Variants in RNASET2 observed in about 807,000 individuals in gnomAD.
RNASET2 encodes ribonuclease 6.
A neutral mutation model predicts 33.9 loss-of-function variants in RNASET2; 28 were observed. That is an observed-to-expected ratio of 0.83 (90% CI 0.61 to 1.13). The LOEUF (loss-of-function observed/expected upper bound fraction) is 1.13, where lower values mean the gene tolerates loss of function less well. Among genes scored for constraint, RNASET2 ranks in the 50% most tolerant of loss-of-function variants. RNASET2 has a pLI of 0.00. For missense variants in RNASET2, 330 were observed against 319.9 expected (o/e 1.03, Z -0.24); for synonymous variants, 123 against 121.0 (o/e 1.02, Z -0.11).
rs201397139 is a variant in RNASET2, at chr6:166,955,189, G to GCA, written c.86+906_86+907dup. On this transcript the variant is annotated intron_variant, in intron 1 of 8. Transcript: ENST00000508775. Reference sequence around the variant, plus strand: ...TTGGGCGGCTGCCACACACACACACGCACACACGCACGCACACACGCACGC... The same window carrying GCA: ...TTGGGCGGCTGCCACACACACACACGCACACACACGCACGCACACACGCACGC... Among the ~76,000 whole-genome samples, 23 of 56,640 alleles carry GCA rather than the reference G, an allele frequency of 4.1e-4. No homozygotes were observed. The East Asian group carries it at 7.7e-3, about 19-fold the overall frequency. 37.2% of individuals were successfully genotyped at this position (56,640 alleles called of 152,430 possible). A position where few individuals can be genotyped will look rare whatever the true frequency, so the allele number is the denominator to read the frequency against.
In RNASET2 at chr6:166,941,628, T is replaced by A. The variant is rs535526731; in HGVS notation, c.332+1391A>T. Reference sequence around the variant, plus strand: ...AGGGTCCATGAATCCTAAGGCCACTTCACTGCCACACCGATGAACCAGAAA... The same window carrying A: ...AGGGTCCATGAATCCTAAGGCCACTACACTGCCACACCGATGAACCAGAAA... On this transcript the variant is annotated intron_variant, in intron 5 of 8. Coordinates refer to ENST00000508775, the MANE Select transcript of RNASET2 (RefSeq NM_003730.6). Among the ~76,000 whole-genome samples, 10 of 152,342 alleles carry A rather than the reference T, an allele frequency of 6.6e-5. No homozygotes were observed. The East Asian group carries it at 1.9e-3, about 29-fold the overall frequency.
intron 2 of RNASET2, among the ~76,000 whole-genome samples, chr6:166,949,611 G>A (rs1203437869): frequency 1.3e-5 from 2 of 151,452 alleles, no homozygotes; most frequent in African/African-American, 4.9e-5. Context: ...TGAGGAAGTA[G>A]AACAGAAAGT....
chr6:166,941,299 A>G (rs1778685523), intron 5 of RNASET2, among the ~76,000 whole-genome samples: 1 of 152,222 alleles, frequency 6.6e-6, no homozygotes, highest in South Asian at 2.1e-4. Context: ...GACCCAGCTC[A>G]CTGAAGGCCT....
chr6:166,928,180 C>T lies in RNASET2; in HGVS notation c.*1408G>A, dbSNP rs1456029925. Among the ~76,000 whole-genome samples, 1 of 152,246 alleles carries T rather than the reference C, an allele frequency of 6.6e-6. No homozygotes were observed. Among genetic ancestry groups the T allele is most frequent in the Non-Finnish European group, 1.5e-5 (1 of 68,040 alleles). On this transcript the variant is annotated 3_prime_UTR_variant, in exon 9 of 9. Transcript: ENST00000508775. The stretch of plus-strand genomic sequence containing the variant: ...CCTGTCTCAGGCTCTTACTGCAGAG[C>T]TTGTTTCCAGAGGGCCAGAGGCCGT...
chr6:166,928,905 T>C lies in RNASET2; in HGVS notation c.*683A>G, dbSNP rs965938909. Among the ~76,000 whole-genome samples the C allele has an allele frequency of 4.6e-5, 7 of 152,214 alleles. No individual in the cohort carries two copies. The highest frequency in any genetic ancestry group is 1.0e-4 in the Non-Finnish European group (7 of 68,028). ...CCAGTGCAGGGACCTGGCTACCCTC[T>C]GATAAGAAGGAAGTGAGGCCTGACA... On this transcript the variant is annotated 3_prime_UTR_variant, in exon 9 of 9. Coordinates refer to ENST00000508775, the MANE Select transcript of RNASET2 (RefSeq NM_003730.6).
At chr6:166,955,317 GCACACA>G (rs1241137068) in intron 1 of RNASET2, among the ~76,000 whole-genome samples, 7 of 46,628 alleles carry the variant, frequency 1.5e-4, no homozygotes, top group African/African-American at 3.2e-4. Context: ...CGACACACAC[GCACACA>G]CACGCACGCA....
chr6:166,943,495 G>T (rs978028925), intron 4 of RNASET2: 6 of 326,624 alleles, frequency 1.8e-5, no homozygotes, highest in Non-Finnish European at 3.0e-5. Context: ...TTTGGAAAAG[G>T]TAGTCTTAAG....
In RNASET2 at chr6:166,926,975, C is replaced by T. The variant is rs1778317710; in HGVS notation, c.*2613G>A. 6.6e-6 allele frequency among the ~76,000 whole-genome samples: 1 copy of T among 152,158 alleles called. No homozygotes were observed. Among genetic ancestry groups the T allele is most frequent in the Non-Finnish European group, 1.5e-5 (1 of 68,030 alleles). On this transcript the variant is annotated 3_prime_UTR_variant, in exon 9 of 9. Transcript: ENST00000508775. ...TTTGTCCCCCTGGGAGACACTTGTA[C>T]CCCCAGCTCTGATCCCAGAGCCTGG... is the stretch of plus-strand genomic sequence containing the variant.
intron 1 of RNASET2, chr6:166,952,956 A>C: frequency 4.8e-6 from 1 of 207,418 alleles, no homozygotes; most frequent in South Asian, 7.7e-5. Flanking sequence ...AAAAGCCTGA[A>C]ACCTGGTAGT....
At chr6:166,946,506 G>A in intron 4 of RNASET2, 176 bp downstream of exon 4, 1 of 630,236 alleles carries the variant, frequency 1.6e-6, no homozygotes. Context: ...AAGGTCAATT[G>A]GTGTAATTTG....
chr6:166,952,559 A>T lies in RNASET2; in HGVS notation c.87-11T>A. ...CACTCATGGTTGTCACTGTTAAAAC[A>T]TAAGAAACTTATTTTTCAAGAACTT... On this transcript the variant is annotated splice_polypyrimidine_tract_variant and intron_variant, in intron 1 of 8. Coordinates refer to ENST00000508775, the MANE Select transcript of RNASET2 (RefSeq NM_003730.6). 6.2e-7 allele frequency: 1 copy of T among 1,606,706 alleles called. No individual in the cohort carries two copies. Among genetic ancestry groups the T allele is most frequent in the Non-Finnish European group, 8.5e-7 (1 of 1,173,146 alleles).
Position 166,926,456 on chromosome 6 carries a change from C to A in RNASET2, c.*3132G>T, listed in dbSNP as rs112725105. ...GGCTGAGGCAGAAGAATTGCTTGAA[C>A]CCAGGAGACAGAGGTTGCAGTGAGC... On this transcript the variant is annotated 3_prime_UTR_variant, in exon 9 of 9. Transcript: ENST00000508775. Among the ~76,000 whole-genome samples the A allele has an allele frequency of 6.6e-6, 1 of 151,382 alleles. No individual in the cohort carries two copies. The highest frequency in any genetic ancestry group is 1.5e-5 in the Non-Finnish European group (1 of 67,888).
At chr6:166,948,426 A>G (rs781051708) in intron 3 of RNASET2, 144 bp downstream of exon 3, 12 of 719,534 alleles carry the variant, frequency 1.7e-5, no homozygotes, top group African/African-American at 1.0e-4. Flanking sequence ...TAGAAAGACT[A>G]AAGATATTTT....
At chr6:166,939,897 A>AC (rs1778656567) in intron 5 of RNASET2, among the ~76,000 whole-genome samples, 1 of 152,256 alleles carries the variant, frequency 6.6e-6, no homozygotes, top group South Asian at 2.1e-4. Flanking sequence ...TTTACTGCAG[A>AC]TTAAAGGTTT....
At chr6:166,947,593 G>A (rs953215905) in intron 3 of RNASET2, among the ~76,000 whole-genome samples, 2 of 152,158 alleles carry the variant, frequency 1.3e-5, no homozygotes, top group African/African-American at 2.4e-5. Flanking sequence ...AGGACACCAC[G>A]CAAAGTCTAG....
chr6:166,930,609 T>C (rs907353950), intron 8 of RNASET2, among the ~76,000 whole-genome samples: 1 of 137,992 alleles, frequency 7.2e-6, no homozygotes, highest in East Asian at 2.2e-4. Context: ...CACATGCATG[T>C]ACATGCACAC....
At position 166,948,582 on chromosome 6, in the gene RNASET2, A is replaced by T. The variant is rs1778904830; in HGVS notation, c.191T>A (p.Ile64Lys). 1 of 1,601,050 alleles carries T rather than the reference A, an allele frequency of 6.2e-7. No homozygotes were observed. Among genetic ancestry groups the T allele is most frequent in the Non-Finnish European group, 8.6e-7 (1 of 1,168,346 alleles). The change falls in exon 3 of 9, where the codon ATA (isoleucine) becomes AAA (lysine). Residue 64 changes from isoleucine (I) to lysine (K), a missense_variant. Transcript: ENST00000508775. ...DCRDPPDYWT[I>K]HGLWPDKSEG... ...GTGAGACACTTGCCATAGTCCATGT[A>T]TTGTCCAGTAATCCGGAGGGTCTCT...
intron 6 of RNASET2, 122 bp from the exon 7 acceptor site, chr6:166,934,258 G>A (rs1778514301): frequency 2.7e-6 from 2 of 727,274 alleles, no homozygotes; most frequent in Middle Eastern, 3.6e-4. Context: ...TGTTTTCTAT[G>A]ACTTTATGCA....
At chr6:166,955,369 ACAAACGCACACGCACACACACACACG>A (rs1562507673) in intron 1 of RNASET2, 2 of 203,842 alleles carry the variant, frequency 9.8e-6, no homozygotes, top group African/African-American at 1.8e-4. Context: ...ACACGCACAC[ACAAACGCACACGCACACACACACACG>A]CGCACACACA....
Sources: allele counts gnomAD v4.1 joint callset (sites outside exome capture counted in the v4.1 genomes callset), GRCh38; gene constraint gnomAD v4.1.1; transcripts MANE v1.5; gene names NCBI Gene and HGNC (gene_info 2026-07-23, HGNC 2026-07-21).